The following STK32B variants were observed in gnomAD, a reference collection of about 807,000 sequenced individuals.
STK32B encodes the protein serine/threonine kinase 32B, also known as serine/threonine-protein kinase 32B.
STK32B carries 43 observed loss-of-function variants against 52.6 expected under a neutral mutation model. The ratio of observed to expected loss-of-function variants is 0.82; its 90% CI spans 0.64 to 1.05. The LOEUF (loss-of-function observed/expected upper bound fraction) is 1.05. Ranked by LOEUF, STK32B falls within the 50% of genes least tolerant of loss-of-function variation. STK32B has a pLI of 0.00. For synonymous variants in STK32B, 238 were observed against 204.3 expected (o/e 1.17, Z -1.41); for missense variants, 621 against 534.6 (o/e 1.16, Z -1.59).
At chr4:5,282,034 T>G (rs1003762158) in intron 3 of STK32B, among the ~76,000 whole-genome samples, 9 of 152,172 alleles carry the variant, frequency 5.9e-5, no homozygotes, top group Non-Finnish European at 1.0e-4. Context: ...TTTTGATATA[T>G]GTATACAATA....
intron 1 of STK32B, among the ~76,000 whole-genome samples, chr4:5,102,698 A>G (rs1025593503): frequency 1.2e-4 from 18 of 145,132 alleles, no homozygotes; most frequent in African/African-American, 4.5e-4. Flanking sequence ...TACCTGGCTA[A>G]TTTTTTTTTT....
At chr4:5,432,824 G>T (rs1713710274) in intron 6 of STK32B, among the ~76,000 whole-genome samples, 1 of 152,026 alleles carries the variant, frequency 6.6e-6, no homozygotes, top group Non-Finnish European at 1.5e-5. Context: ...CATTTATTGA[G>T]CACTTACTAT....
At chr4:5,268,646 C>G (rs1727214880) in intron 3 of STK32B, among the ~76,000 whole-genome samples, 1 of 150,672 alleles carries the variant, frequency 6.6e-6, no homozygotes, top group South Asian at 2.1e-4. Context: ...TGGTTGGCTG[C>G]CACTAGACTG....
the STK32B span, among the ~76,000 whole-genome samples, chr4:5,036,690 T>C: frequency 3.3e-5 from 4 of 121,824 alleles, no homozygotes; most frequent in African/African-American, 1.3e-4. Context: ...TTTTTCGAGA[T>C]GGAGTCTTGC....
intron 3 of STK32B, among the ~76,000 whole-genome samples, chr4:5,236,977 C>A (rs919178187): frequency 6.6e-6 from 1 of 152,154 alleles, no homozygotes; most frequent in African/African-American, 2.4e-5. Context: ...AGCAGCTGTA[C>A]CAACATCCAC....
intron 1 of STK32B, among the ~76,000 whole-genome samples, chr4:5,124,130 G>T (rs562966328): frequency 7.2e-5 from 11 of 152,270 alleles, no homozygotes; most frequent in African/African-American, 2.6e-4. Flanking sequence ...CTCCCAGTTT[G>T]TTGGCCAGGG....
chr4:5,171,888 T>C (rs1208671347), intron 3 of STK32B, among the ~76,000 whole-genome samples: 1 of 151,138 alleles, frequency 6.6e-6, no homozygotes, highest in African/African-American at 2.4e-5. Flanking sequence ...AATCTATAAA[T>C]TACCTTGGGC....
intron 2 of STK32B, among the ~76,000 whole-genome samples, chr4:5,160,792 A>G (rs987748370): frequency 6.6e-6 from 1 of 152,220 alleles, no homozygotes; most frequent in Non-Finnish European, 1.5e-5. Flanking sequence ...CGAAGCAGGA[A>G]GCATGTCCTG....
chr4:5,359,559 T>C (rs1412223590), intron 4 of STK32B, among the ~76,000 whole-genome samples: 4 of 152,158 alleles, frequency 2.6e-5, no homozygotes, highest in Non-Finnish European at 4.4e-5. Context: ...AATCTGTGTA[T>C]GTAACATGTC....
chr4:5,491,595 T>C (rs1477742693), intron 11 of STK32B, among the ~76,000 whole-genome samples: 1 of 152,028 alleles, frequency 6.6e-6, no homozygotes, highest in East Asian at 1.9e-4. Flanking sequence ...AGATCCCATT[T>C]GTCAATTTTG....
chr4:5,283,347 G>A lies in STK32B; in HGVS notation c.261-47873G>A, dbSNP rs76444196. On this transcript the variant is annotated intron_variant, in intron 3 of 11. Coordinates refer to ENST00000282908, the MANE Select transcript of STK32B (RefSeq NM_018401.3). Reference sequence around the variant, plus strand: ...AAAAAGAATCAAAAAGAACAAAGAAGGCCATGGGAATTATGAGACACCATC... The same window carrying A: ...AAAAAGAATCAAAAAGAACAAAGAAAGCCATGGGAATTATGAGACACCATC... Among the ~76,000 whole-genome samples, 716 of 151,986 alleles carry A rather than the reference G, an allele frequency of 4.7e-3. 5 individuals are homozygous for A. Among genetic ancestry groups the A allele is most frequent in the African/African-American group, 0.015 (642 of 41,478 alleles).
the STK32B span, among the ~76,000 whole-genome samples, chr4:5,027,249 C>T: frequency 1.3e-5 from 2 of 152,356 alleles, no homozygotes; most frequent in South Asian, 4.1e-4. Context: ...TGAACACAAA[C>T]ACCAAGGCTG....
At chr4:5,061,931 C>T (rs1004427369) in intron 1 of STK32B, among the ~76,000 whole-genome samples, 1 of 152,184 alleles carries the variant, frequency 6.6e-6, no homozygotes, top group Non-Finnish European at 1.5e-5. Context: ...TTTCCTTTCT[C>T]CTGGATATTT....
chr4:5,054,909 A>C (rs899054300), intron 1 of STK32B, among the ~76,000 whole-genome samples: 1 of 152,220 alleles, frequency 6.6e-6, no homozygotes, highest in African/African-American at 2.4e-5. Flanking sequence ...GTTCACGCTC[A>C]CATGATATAT....
chr4:5,140,736 T>C (rs1716378234), intron 2 of STK32B, among the ~76,000 whole-genome samples: 1 of 152,148 alleles, frequency 6.6e-6, no homozygotes. Context: ...ACTTAAGAAG[T>C]TGGATAGACC....
At chr4:5,078,838 G>A (rs1018671286) in intron 1 of STK32B, among the ~76,000 whole-genome samples, 1 of 152,162 alleles carries the variant, frequency 6.6e-6, no homozygotes, top group Non-Finnish European at 1.5e-5. Context: ...CTTTGAGAAG[G>A]GGGGGCCAGC....
intron 4 of STK32B, among the ~76,000 whole-genome samples, chr4:5,376,673 A>G (rs939440920): frequency 6.6e-6 from 1 of 152,152 alleles, no homozygotes; most frequent in Admixed American, 6.5e-5. Context: ...GAGGGAGCAG[A>G]GGACCCCCAG....
intron 3 of STK32B, among the ~76,000 whole-genome samples, chr4:5,242,683 T>G (rs555766697): frequency 9.5e-4 from 144 of 152,272 alleles, no homozygotes; most frequent in African/African-American, 3.1e-3. Context: ...ATTGCCTAGG[T>G]TTTCTTCTAG....
chr4:5,284,162 G>A (rs1728394984), intron 3 of STK32B, among the ~76,000 whole-genome samples: 1 of 152,052 alleles, frequency 6.6e-6, no homozygotes, highest in African/African-American at 2.4e-5. Flanking sequence ...TCTTAAATTA[G>A]GTTGTTATAA....
Sources: gnomAD v4.1 joint callset for allele counts (sites outside exome capture counted in the v4.1 genomes callset) on GRCh38, gnomAD v4.1.1 for gene constraint, MANE v1.5 for transcripts, NCBI Gene and HGNC (gene_info 2026-07-23, HGNC 2026-07-21) for gene names.